PHF1: variants seen among roughly 807,000 people sequenced by gnomAD.
PHF1 encodes the protein polycomb-like 1.
Under a neutral mutation model 69.4 loss-of-function variants are expected in PHF1, and 16 were observed. That is an observed-to-expected ratio of 0.23 (90% CI 0.16 to 0.35). PHF1 has a LOEUF of 0.35. Among genes scored for constraint, PHF1 ranks in the 10% least tolerant of loss-of-function variants. The probability of loss-of-function intolerance (pLI) is 1.00; values close to 1 mark genes in which losing one functional copy is unlikely to be tolerated. For synonymous variants in PHF1, 274 were observed against 275.0 expected, an observed-to-expected ratio of 1.00 and a Z score of 0.04; for missense variants, 515 against 732.8, an observed-to-expected ratio of 0.70 and a Z score of 3.43.
chr6:33,413,665 TA>T (rs1776239557), intron 6 of PHF1, 70 bp from the exon 7 acceptor site: 1 of 1,595,556 alleles, frequency 6.3e-7, no homozygotes, highest in South Asian at 1.1e-5. Context: ...GGATAGGAGG[TA>T]AGTTTAGGGT....
Position 33,415,636 on chromosome 6 carries a change from G to T in PHF1, c.1381G>T (p.Ala461Ser), listed in dbSNP as rs1004036561. The change falls in exon 14 of 15, where the codon GCA becomes TCA. Residue 461 changes from alanine (A) to serine (S), a missense_variant. Around this residue, in one of 5 missense-constraint regions of PHF1, gnomAD observed 274 missense variants for 304.5 expected, o/e 0.90. Coordinates refer to ENST00000374516, the MANE Select transcript of PHF1 (RefSeq NM_024165.3). Reference protein sequence around the residue: ...FASFHPSASTAGTSGDSGPPD... With the variant: ...FASFHPSASTSGTSGDSGPPD... ...TTCCTTCCACCCTTCTGCCAGCACC[G>T]CAGGGACCTCTGGGGACAGTGGACC... is the stretch of plus-strand genomic sequence containing the variant. 1.2e-6 allele frequency: 2 copies of T among 1,613,944 alleles called. No homozygotes were observed. Among genetic ancestry groups the T allele is most frequent in the East Asian group, 4.5e-5 (2 of 44,874 alleles).
In PHF1 at chr6:33,414,749, G is replaced by A; in HGVS notation, c.969G>A (p.Lys323=). The change falls in exon 11 of 15, where the codon AAG becomes AAA. Residue 323 remains lysine, a synonymous_variant. Coordinates refer to ENST00000374516, the MANE Select transcript of PHF1 (RefSeq NM_024165.3). This position sits in a 1 kb window ranked among gnomAD's most constrained non-coding sequence, Gnocchi z 5.0. ...GTTTCATTTCAGGGAGAGAGATTAA[G>A]AAGAGGAAATGTTTGTTTGGTCTCC... The part of the protein sequence containing the change: ...KDRFISGREI[K]KRKCLFGLHA... 6.2e-7 allele frequency: 1 copy of A among 1,613,912 alleles called. No individual in the cohort carries two copies. Among genetic ancestry groups the A allele is most frequent in the South Asian group, 1.1e-5 (1 of 91,070 alleles).
At position 33,415,064 on chromosome 6, in the gene PHF1, C is replaced by T. The variant is rs749282964; in HGVS notation, c.1159C>T (p.Leu387=). Residue 387 remains leucine (L), a synonymous_variant, in exon 12 of 15, where the codon CTG becomes TTG. Coordinates refer to ENST00000374516, the MANE Select transcript of PHF1 (RefSeq NM_024165.3). ...RRRQKGKVEE[L]GPPSAVRNQP... ...GAGGCAGAAGGGGAAAGTGGAGGAG[C>T]TGGGGCCACCCTCAGCAGTGCGCAA... 11 of 1,608,508 alleles carry T rather than the reference C, an allele frequency of 6.8e-6. No individual in the cohort carries two copies. In the African/African-American group the frequency reaches 1.1e-4, roughly 16 times the overall value.
Position 33,411,726 on chromosome 6 carries a change from C to T in PHF1, c.-17+511C>T, listed in dbSNP as rs2151103336. Among the ~76,000 whole-genome samples, 2 of 152,084 alleles carry T rather than the reference C, an allele frequency of 1.3e-5. 1 individual carries two copies. Among genetic ancestry groups the T allele is most frequent in the Middle Eastern group, 6.8e-3 (2 of 294 alleles). On this transcript the variant is annotated intron_variant, in intron 1 of 14. Transcript: ENST00000374516. ...GGGTCGGGGGGAGGGCTGTTAGTTA[C>T]CGAGAGGAGAGCCAGTCACTAGAGT...
chr6:33,412,762 C>T lies in PHF1; in HGVS notation c.306C>T (p.Asn102=), dbSNP rs747911697. Reference sequence around the variant, plus strand: ...GCTCTGAGACTGTGGTCCCTGGGAACCGGCTGGTCAGCTGTGAGAAGTGTC... The same window carrying T: ...GCTCTGAGACTGTGGTCCCTGGGAATCGGCTGGTCAGCTGTGAGAAGTGTC... The part of the protein sequence containing the change: ...VCRSETVVPG[N]RLVSCEKCRH... The change falls in exon 4 of 15, where the codon AAC becomes AAT. Residue 102 remains asparagine (N), a synonymous_variant. Coordinates refer to ENST00000374516, the MANE Select transcript of PHF1 (RefSeq NM_024165.3). This position sits in a 1 kb window ranked among gnomAD's most constrained non-coding sequence, Gnocchi z 4.2. 1.2e-6 allele frequency: 2 copies of T among 1,614,090 alleles called. No homozygotes were observed. The highest frequency in any genetic ancestry group is 1.7e-6 in the Non-Finnish European group (2 of 1,180,022).
chr6:33,410,707 T>A (rs1333944318), upstream of PHF1: 1 of 16,450 alleles, frequency 6.1e-5, no homozygotes, highest in Non-Finnish European at 1.1e-4. Flanking sequence ...GGATGTGGCA[T>A]GGGGCGGGGG....
Position 33,414,358 on chromosome 6 carries a change from C to T in PHF1, c.868C>T (p.Leu290=). Residue 290 remains leucine, a synonymous_variant, in exon 9 of 15, where the codon CTG becomes TTG. Transcript: ENST00000374516. This position sits in a 1 kb window ranked among gnomAD's most constrained non-coding sequence, Gnocchi z 5.0. ...FTSENWDSLL[L]GELSDTPKGE... Reference sequence around the variant, plus strand: ...TTCTGAGAATTGGGACAGTTTGCTCCTGGGGGAGGTAAGGGGTAGTGCAGT... The same window carrying T: ...TTCTGAGAATTGGGACAGTTTGCTCTTGGGGGAGGTAAGGGGTAGTGCAGT... 2 of 1,614,034 alleles carry T rather than the reference C, an allele frequency of 1.2e-6. No individual in the cohort carries two copies. Among genetic ancestry groups the T allele is most frequent in the Non-Finnish European group, 1.7e-6 (2 of 1,180,012 alleles).
Position 33,412,164 on chromosome 6 carries a change from GAA to G in PHF1, c.-16-69_-16-68del, listed in dbSNP as rs576149310. On this transcript the variant is annotated intron_variant, in intron 1 of 14. Coordinates refer to ENST00000374516, the MANE Select transcript of PHF1 (RefSeq NM_024165.3). This position sits in a 1 kb window ranked among gnomAD's most constrained non-coding sequence, Gnocchi z 4.2. ...GCGACAGAGCAAAACTCCATCTCAGGAAAAAAAAAAAAAAAAGAAAAAGAAAA... is the reference window on the plus strand; with the variant it reads ...GCGACAGAGCAAAACTCCATCTCAGGAAAAAAAAAAAAAAGAAAAAGAAAA... The G allele has an allele frequency of 8.6e-3, 6,874 of 803,750 alleles. No individual in the cohort carries two copies. The highest frequency in any genetic ancestry group is 9.9e-3 in the Non-Finnish European group (5,340 of 540,090). 49.8% of individuals were successfully genotyped at this position (803,750 alleles called of 1,614,324 possible). A position where few individuals can be genotyped will look rare whatever the true frequency, so the allele number is the denominator to read the frequency against.
In PHF1 at chr6:33,412,815, A is replaced by G. The variant is rs764305936; in HGVS notation, c.337+22A>G. The G allele has an allele frequency of 6.3e-7, 1 of 1,594,034 alleles. No homozygotes were observed. The highest frequency in any genetic ancestry group is 1.1e-5 in the South Asian group (1 of 90,680). On this transcript the variant is annotated intron_variant, in intron 4 of 14. Transcript: ENST00000374516. This position sits in a 1 kb window ranked among gnomAD's most constrained non-coding sequence, Gnocchi z 4.2. The stretch of plus-strand genomic sequence containing the variant: ...CATGGTGAGAGGGCAGGTCACCTGA[A>G]TGGTCCAGCTTGCTCTTCCCTCCAG...
rs550226747 is a variant in PHF1, at chr6:33,413,600, G to T, written c.587+43G>T. Reference sequence around the variant, plus strand: ...AGCAGACTGTGGAATGAATGATGTGGTGGTGGATCCCAGGAAATGAAGGAA... The same window carrying T: ...AGCAGACTGTGGAATGAATGATGTGTTGGTGGATCCCAGGAAATGAAGGAA... On this transcript the variant is annotated intron_variant, in intron 6 of 14. Transcript: ENST00000374516. 38 of 1,612,848 alleles carry T rather than the reference G, an allele frequency of 2.4e-5. 1 individual carries two copies. The Admixed American group carries it at 6.2e-4, about 26-fold the overall frequency.
At position 33,416,120 on chromosome 6, in the gene PHF1, C is replaced by T. The variant is rs373555262; in HGVS notation, c.*22C>T. 1 of 1,514,004 alleles carries T rather than the reference C, an allele frequency of 6.6e-7. No homozygotes were observed. The highest frequency in any genetic ancestry group is 8.8e-7 in the Non-Finnish European group (1 of 1,134,092). The allele number at this position is 1,514,004 out of a possible 1,614,324, so 93.8% of individuals were successfully genotyped here. A position where few individuals can be genotyped will look rare whatever the true frequency, so the allele number is the denominator to read the frequency against. On this transcript the variant is annotated 3_prime_UTR_variant, in exon 15 of 15. Coordinates refer to ENST00000374516, the MANE Select transcript of PHF1 (RefSeq NM_024165.3). ...CTGAACAGCCTGCCTCTGCCCAGCT[C>T]CCCATTCACACACACCGGCACTTTC... is the stretch of plus-strand genomic sequence containing the variant.
rs1419382938 is a variant in PHF1 at position 33,416,222 on chromosome 6, C to T, written c.*124C>T. On this transcript the variant is annotated 3_prime_UTR_variant, in exon 15 of 15. Transcript: ENST00000374516. ...GGGGTAGTTCTCCCTACTGCCCAGG[C>T]TGGAATCCAAGAGTGGGGAGTGGGG... 2 of 799,698 alleles carry T rather than the reference C, an allele frequency of 2.5e-6. No individual in the cohort carries two copies. Among genetic ancestry groups the T allele is most frequent in the Non-Finnish European group, 3.7e-6 (2 of 545,284 alleles). The allele number at this position is 799,698 out of a possible 1,614,324, so 49.5% of individuals were successfully genotyped here.
Position 33,414,910 on chromosome 6 carries a change from G to T in PHF1, c.1050-45G>T. The stretch of plus-strand genomic sequence containing the variant: ...TATGTATAGAGATGGGGAGGTCTTG[G>T]GGGTGTCCGGGAGGGGGCTGGGGGG... On this transcript the variant is annotated intron_variant, in intron 11 of 14. Transcript: ENST00000374516. This position sits in a 1 kb window ranked among gnomAD's most constrained non-coding sequence, Gnocchi z 5.0. The T allele has an allele frequency of 6.5e-7, 1 of 1,531,762 alleles. No individual in the cohort carries two copies. Among genetic ancestry groups the T allele is most frequent in the African/African-American group, 1.4e-5 (1 of 72,444 alleles). The allele number at this position is 1,531,762 out of a possible 1,614,324, so 94.9% of individuals were successfully genotyped here.
chr6:33,415,586 C>T lies in PHF1; in HGVS notation c.1335-4C>T. The T allele has an allele frequency of 6.2e-7, 1 of 1,613,966 alleles. No homozygotes were observed. The highest frequency in any genetic ancestry group is 8.5e-7 in the Non-Finnish European group (1 of 1,179,940). ...GGTCCTGACTTTCCCCACTCCAACC[C>T]CAGCAGCCCCATCCGGATGTTTGCT... On this transcript the variant is annotated splice_polypyrimidine_tract_variant and splice_region_variant and intron_variant, in intron 13 of 14. Transcript: ENST00000374516.
Position 33,413,313 on chromosome 6 carries a change from G to C in PHF1, c.438+17G>C. The C allele has an allele frequency of 6.2e-7, 1 of 1,612,160 alleles. No homozygotes were observed. The highest frequency in any genetic ancestry group is 8.5e-7 in the Non-Finnish European group (1 of 1,178,836). Reference sequence around the variant, plus strand: ...GCCACCAAGGTAAAGGCACTTCCCTGTTACCCTTCCTGTGGGAGCCTCCCA... The same window carrying C: ...GCCACCAAGGTAAAGGCACTTCCCTCTTACCCTTCCTGTGGGAGCCTCCCA... On this transcript the variant is annotated intron_variant, in intron 5 of 14. Coordinates refer to ENST00000374516, the MANE Select transcript of PHF1 (RefSeq NM_024165.3).
chr6:33,416,060 C>G lies in PHF1; in HGVS notation c.1666C>G (p.Gln556Glu). 1.3e-6 allele frequency: 2 copies of G among 1,586,122 alleles called. No homozygotes were observed. The highest frequency in any genetic ancestry group is 8.6e-7 in the Non-Finnish European group (1 of 1,164,136). The change falls in exon 15 of 15, where the codon CAG becomes GAG. Residue 556 changes from glutamine to glutamate, a missense_variant. Around this residue, in one of 5 missense-constraint regions of PHF1, gnomAD observed 274 missense variants for 304.5 expected, o/e 0.90. Coordinates refer to ENST00000374516, the MANE Select transcript of PHF1 (RefSeq NM_024165.3). ...GAGAGTACGGCCTGATGGCTCTGTG[C>G]AGTACCTGGTTGAGTGGGGAGGAGG... ...ARRVRPDGSV[Q>E]YLVEWGGGGI... is the part of the protein sequence containing the mutation.
rs776904705 is a variant in PHF1, at chr6:33,414,566, G to A, written c.944+22G>A. 7.4e-6 allele frequency: 12 copies of A among 1,611,678 alleles called. No individual in the cohort carries two copies. The Admixed American group carries it at 1.8e-4, about 25-fold the overall frequency. ...ACCGGTGAGTTGGAGGGAAGAGGAG[G>A]CAAGGATGAGGCTCGGAAAGAGATG... On this transcript the variant is annotated intron_variant, in intron 10 of 14. Coordinates refer to ENST00000374516, the MANE Select transcript of PHF1 (RefSeq NM_024165.3). The surrounding 1 kb of genome is among the most constrained non-coding windows in gnomAD (Gnocchi z 5.0).
chr6:33,414,511 G>A lies in PHF1; in HGVS notation c.911G>A (p.Arg304Lys), dbSNP rs3116713. 0.92 allele frequency: 1,487,197 copies of A among 1,613,614 alleles called. 686,601 individuals carry two copies. Among genetic ancestry groups the A allele is most frequent in the East Asian group, 1 (44,851 of 44,864 alleles). Residue 304 changes from arginine (R) to lysine (K), a missense_variant, in exon 10 of 15, where the codon AGG becomes AAG. Coordinates refer to ENST00000374516, the MANE Select transcript of PHF1 (RefSeq NM_024165.3). The surrounding 1 kb of genome is among the most constrained non-coding windows in gnomAD (Gnocchi z 5.0). ...SDTPKGERSS[R>K]LLSALNSHKD... is the part of the protein sequence containing the mutation. ...ACCCCCAAAGGAGAACGTTCTTCCA[G>A]GCTCCTCTCTGCTCTTAACAGCCAC...
chr6:33,412,249 C>T lies in PHF1; in HGVS notation c.-15C>T, dbSNP rs1776122640. ...CCTCCCCATTTCTTTTCTGGCTAGGCCCCCCCAGGATGCAATGGCGCAGCC... is the reference window on the plus strand; with the variant it reads ...CCTCCCCATTTCTTTTCTGGCTAGGTCCCCCCAGGATGCAATGGCGCAGCC... On this transcript the variant is annotated splice_region_variant and 5_prime_UTR_variant, in exon 2 of 15. Coordinates refer to ENST00000374516, the MANE Select transcript of PHF1 (RefSeq NM_024165.3). The surrounding 1 kb of genome is among the most constrained non-coding windows in gnomAD (Gnocchi z 4.2). The T allele has an allele frequency of 1.3e-6, 2 of 1,594,986 alleles. No individual in the cohort carries two copies. Among genetic ancestry groups the T allele is most frequent in the South Asian group, 1.1e-5 (1 of 90,602 alleles).
Sources: allele counts gnomAD v4.1 joint callset (sites outside exome capture counted in the v4.1 genomes callset), GRCh38; gene constraint gnomAD v4.1.1; regional missense constraint gnomAD v4.1.1; non-coding constraint Gnocchi (gnomAD v3.1); transcripts MANE v1.5; gene names NCBI Gene and HGNC (gene_info 2026-07-23, HGNC 2026-07-21).